Variants in ANO9 observed in about 807,000 individuals in gnomAD.
ANO9 encodes anoctamin 9.
ANO9 carries 80 observed loss-of-function variants against 100.5 expected under a neutral mutation model. The ratio of observed to expected loss-of-function variants is 0.80; its 90% CI spans 0.66 to 0.96. ANO9 has a LOEUF of 0.96. Ranked by LOEUF, ANO9 falls within the 40% of genes least tolerant of loss-of-function variation. The probability of loss-of-function intolerance (pLI) is 0.00; values close to 1 mark genes in which losing one functional copy is unlikely to be tolerated. For synonymous variants in ANO9, 473 were observed against 435.6 expected (o/e 1.09, Z -1.07); for missense variants, 1,064 against 1,072.7 (o/e 0.99, Z 0.11).
At chr11:437,364 C>T (rs753612395) in intron 1 of ANO9, among the ~76,000 whole-genome samples, 2 of 152,202 alleles carry the variant, frequency 1.3e-5, no homozygotes, top group Non-Finnish European at 2.9e-5. Flanking sequence ...CAGGTAGACA[C>T]CATCTGAGCA....
intron 19 of ANO9, 60 bp downstream of exon 19, chr11:420,403 G>A: frequency 6.3e-7 from 1 of 1,578,172 alleles, no homozygotes; most frequent in South Asian, 1.1e-5. Context: ...CTGGCCAGCG[G>A]GAAGCCCACA....
At chr11:435,459 GC>G (rs902091825) in intron 1 of ANO9, among the ~76,000 whole-genome samples, 2 of 151,876 alleles carry the variant, frequency 1.3e-5, no homozygotes, top group Admixed American at 1.3e-4. Flanking sequence ...GCATAGGATA[GC>G]ATAGTATAGC....
In ANO9 at chr11:433,916, C is replaced by T; in HGVS notation, c.103G>A (p.Asp35Asn). The change falls in exon 3 of 23, where the codon GAC (aspartate) becomes AAC (asparagine). Residue 35 changes from aspartate (D) to asparagine (N), a missense_variant. By Grantham distance (23) the Asp-to-Asn change is conservative. Transcript: ENST00000332826. ...TGACGTTGGGCCACGAGGACATAGT[C>T]CCACTGCTCGGAGGCCTCGGTCTGC... ...TCETEASEQWDYVLVAQRHTQ... is the reference protein window; with the variant it reads ...TCETEASEQWNYVLVAQRHTQ... 6.4e-7 allele frequency: 1 copy of T among 1,563,250 alleles called. No homozygotes were observed. Among genetic ancestry groups the T allele is most frequent in the Non-Finnish European group, 8.7e-7 (1 of 1,153,790 alleles).
In ANO9 at chr11:419,676, C is replaced by G. The variant is rs745846198; in HGVS notation, c.1840G>C (p.Gly614Arg). 1 of 1,611,836 alleles carries G rather than the reference C, an allele frequency of 6.2e-7. No homozygotes were observed. The highest frequency in any genetic ancestry group is 1.4e-5 in the African/African-American group (1 of 73,794). ...TIGVLAVIAN[G>R]MVIAFTSEFI... ...TCAGATGTGAAGGCAATGACCATCCCATTGGCAATGACCGCCAGCACACCG... is the reference window on the plus strand; with the variant it reads ...TCAGATGTGAAGGCAATGACCATCCGATTGGCAATGACCGCCAGCACACCG... The change falls in exon 20 of 23, where the codon GGG becomes CGG. Residue 614 changes from glycine (G) to arginine (R), a missense_variant. Physicochemically the swap from Gly to Arg is moderately radical, Grantham distance 125. Transcript: ENST00000332826.
In ANO9 at chr11:428,359, G is replaced by T. The variant is rs150509807; in HGVS notation, c.1221C>A (p.Phe407Leu). Residue 407 changes from phenylalanine to leucine, a missense_variant and splice_region_variant, in exon 14 of 23, where the codon TTC becomes TTA. Transcript: ENST00000332826. Reference sequence around the variant, plus strand: ...GAGGGTCTGGGGTAGTCCTCTCACCGAAGTCACAAAGCTTCAGGGCCACGC... The same window carrying T: ...GAGGGTCTGGGGTAGTCCTCTCACCTAAGTCACAAAGCTTCAGGGCCACGC... ...NRCVALKLCDFEMPRTFSERE... is the reference protein window; with the variant it reads ...NRCVALKLCDLEMPRTFSERE... 1.2e-6 allele frequency: 2 copies of T among 1,612,528 alleles called. No homozygotes were observed. The highest frequency in any genetic ancestry group is 3.3e-5 in the Admixed American group (2 of 60,018).
At chr11:419,078 G>A in intron 20 of ANO9, 89 bp from the exon 21 acceptor site, 1 of 1,586,654 alleles carries the variant, frequency 6.3e-7, no homozygotes, top group Non-Finnish European at 8.6e-7. Flanking sequence ...GCGTTGTGGA[G>A]CAAACAGTGA....
chr11:435,190 GATAGCATAGCATAGT>G lies in ANO9; in HGVS notation c.7-1107_7-1093del, dbSNP rs1849357451. The stretch of plus-strand genomic sequence containing the variant: ...TCTAGTTTGGTCTAGTATAGCATAG[GATAGCATAGCATAGT>G]ATAGCATAGGGTAGCATAGGGTAGT... On this transcript the variant is annotated intron_variant, in intron 1 of 22. Coordinates refer to ENST00000332826, the MANE Select transcript of ANO9 (RefSeq NM_001012302.3). Among the ~76,000 whole-genome samples, 3 of 150,590 alleles carry G rather than the reference GATAGCATAGCATAGT, an allele frequency of 2.0e-5. No homozygotes were observed. In the South Asian group the frequency reaches 6.3e-4, roughly 32 times the overall value.
chr11:440,868 G>A (rs1218739578), intron 1 of ANO9, among the ~76,000 whole-genome samples: 1 of 152,250 alleles, frequency 6.6e-6, no homozygotes, highest in Non-Finnish European at 1.5e-5. Context: ...GGAGTAGCCG[G>A]GACCACAGGC....
chr11:420,975 G>A lies in ANO9; in HGVS notation c.1460C>T (p.Thr487Met). The change falls in exon 17 of 23, where the codon ACG (threonine) becomes ATG (methionine). Residue 487 changes from threonine (T) to methionine (M), a missense_variant. Coordinates refer to ENST00000332826, the MANE Select transcript of ANO9 (RefSeq NM_001012302.3). ...QMAIIMGLKQ[T>M]LSNCVEYLVP... is the part of the protein sequence containing the mutation. ...CAGGTACTCGACGCAGTTGCTGAGCGTCTGCTTCAGGCCCATGATGATGGC... is the reference window on the plus strand; with the variant it reads ...CAGGTACTCGACGCAGTTGCTGAGCATCTGCTTCAGGCCCATGATGATGGC... 1.2e-6 allele frequency: 2 copies of A among 1,606,828 alleles called. No homozygotes were observed. Among genetic ancestry groups the A allele is most frequent in the South Asian group, 2.2e-5 (2 of 90,926 alleles).
chr11:429,162 G>A (rs544437067), intron 11 of ANO9, among the ~76,000 whole-genome samples: 5 of 133,086 alleles, frequency 3.8e-5, no homozygotes, highest in Non-Finnish European at 6.3e-5. Flanking sequence ...CACCCCACAC[G>A]TGGGGAGACA....
chr11:436,455 G>A (rs141656078), intron 1 of ANO9, among the ~76,000 whole-genome samples: 77 of 151,940 alleles, frequency 5.1e-4, no homozygotes, highest in Middle Eastern at 6.8e-3. Flanking sequence ...CAGGAGCTAC[G>A]GGTTCTGGGA....
rs1446354642 is a variant in ANO9 at position 430,310 on chromosome 11, G to A, written c.633C>T (p.Val211=). ...LVPAALTGLL[V]FLSGFSLFEA... is the part of the protein sequence containing the mutation. ...CAAACAGCGAGAATCCGCTCAGAAA[G>A]ACTAAGAGGCCCGTCAGGGCGGCCG... The change falls in exon 8 of 23, where the codon GTC becomes GTT. Residue 211 remains valine (V), a synonymous_variant. Coordinates refer to ENST00000332826, the MANE Select transcript of ANO9 (RefSeq NM_001012302.3). 1.2e-6 allele frequency: 2 copies of A among 1,605,984 alleles called. No homozygotes were observed. Among genetic ancestry groups the A allele is most frequent in the South Asian group, 1.1e-5 (1 of 89,586 alleles).
chr11:418,594 C>T lies in ANO9; in HGVS notation c.2131-5G>A, dbSNP rs749495445. On this transcript the variant is annotated splice_polypyrimidine_tract_variant and splice_region_variant and intron_variant, in intron 22 of 22. Transcript: ENST00000332826. ...CTTGATGCACAAGGCCACGTGCTAG[C>T]GGCAGCACAGGAGAGGCCCAGCACG... is the stretch of plus-strand genomic sequence containing the variant. 3.3e-5 allele frequency: 54 copies of T among 1,612,796 alleles called. 5 individuals are homozygous for T. In the South Asian group the frequency reaches 4.3e-4, roughly 13 times the overall value.
chr11:424,935 G>C (rs527591078), intron 15 of ANO9, among the ~76,000 whole-genome samples: 1 of 152,152 alleles, frequency 6.6e-6, no homozygotes, highest in African/African-American at 2.4e-5. Flanking sequence ...ACATGGACAC[G>C]GGACGCGCGG....
Position 429,789 on chromosome 11 carries a change from C to G in ANO9, c.801G>C (p.Thr267=). 6.2e-7 allele frequency: 1 copy of G among 1,608,828 alleles called. No homozygotes were observed. The highest frequency in any genetic ancestry group is 8.5e-7 in the Non-Finnish European group (1 of 1,177,026). Reference sequence around the variant, plus strand: ...GAGCCATGAAGATGGCGAACACCACCGTGCCATCATTGTCAAAGAGGTGGG... The same window carrying G: ...GAGCCATGAAGATGGCGAACACCACGGTGCCATCATTGTCAAAGAGGTGGG... The part of the protein sequence containing the change: ...KLTHLFDNDG[T]VVFAIFMALW... The change falls in exon 10 of 23, where the codon ACG becomes ACC. Residue 267 remains threonine, a synonymous_variant. Transcript: ENST00000332826.
intron 11 of ANO9, 87 bp from the exon 12 acceptor site, chr11:428,913 A>C: frequency 7.8e-7 from 1 of 1,278,940 alleles, no homozygotes; most frequent in Non-Finnish European, 1.1e-6. Flanking sequence ...TCACGGGTGG[A>C]CAGACACGGG....
Position 433,809 on chromosome 11 carries a change from GC to G in ANO9, c.204+5del, listed in dbSNP as rs1564928779. The G allele has an allele frequency of 6.4e-7, 1 of 1,556,548 alleles. No homozygotes were observed. Among genetic ancestry groups the G allele is most frequent in the East Asian group, 2.4e-5 (1 of 41,840 alleles). On this transcript the variant is annotated splice_donor_5th_base_variant and intron_variant, in intron 3 of 22. Transcript: ENST00000332826. ...TGGCCCTGCCCCTCGCTGGGCACCC[GC>G]CCACCTTAATGTGGAAGCCCTTTCT...
chr11:429,952 GGCCTCCCC>G, intron 9 of ANO9, 123 bp downstream of exon 9: 1 of 1,277,346 alleles, frequency 7.8e-7, no homozygotes, highest in Non-Finnish European at 1.1e-6. Context: ...GCTGGGGCTG[GGCCTCCCC>G]GTCAGCCCTG....
chr11:439,504 A>C (rs1845678930), intron 1 of ANO9, among the ~76,000 whole-genome samples: 1 of 96,996 alleles, frequency 1.0e-5, no homozygotes, highest in Non-Finnish European at 2.0e-5. Context: ...ACATCCCCCC[A>C]GCTGTGCATG....
Sources: gnomAD v4.1 joint callset for allele counts (sites outside exome capture counted in the v4.1 genomes callset) on GRCh38, gnomAD v4.1.1 for gene constraint, MANE v1.5 for transcripts, NCBI Gene and HGNC (gene_info 2026-07-23, HGNC 2026-07-21) for gene names.